Variants in FAT1 observed in about 807,000 individuals in gnomAD.
FAT1 encodes the protein protocadherin Fat 1.
In FAT1, 171 loss-of-function variants were observed where a neutral mutation model predicts 329.8. That is an observed-to-expected ratio of 0.52 (90% confidence interval 0.46 to 0.59). The LOEUF is 0.59. Among genes scored for constraint, FAT1 ranks in the 20% least tolerant of loss-of-function variants. FAT1 has a pLI of 0.00. For synonymous variants in FAT1, 2,233 were observed against 2,228.6 expected (o/e 1.00, Z -0.06); for missense variants, 5,672 against 5,774.4 (o/e 0.98, Z 0.57).
intron 3 of FAT1, among the ~76,000 whole-genome samples, chr4:186,645,269 C>A (rs2126583033): frequency 6.7e-6 from 1 of 149,906 alleles, no homozygotes; most frequent in African/African-American, 2.4e-5. Context: ...AAGAACTGCC[C>A]AGCAGAACCC....
intron 26 of FAT1, among the ~76,000 whole-genome samples, chr4:186,589,897 T>C (rs1738154428): frequency 1.3e-5 from 2 of 152,146 alleles, no homozygotes; most frequent in Admixed American, 6.5e-5. Flanking sequence ...TAAGCTTCCT[T>C]CATAATAATG....
Position 186,621,108 on chromosome 4 carries a change from AG to A in FAT1, c.5477del (p.Thr1826MetfsTer8). 1 of 1,613,790 alleles carries A rather than the reference AG, an allele frequency of 6.2e-7. No individual in the cohort carries two copies. Among genetic ancestry groups the A allele is most frequent in the Non-Finnish European group, 8.5e-7 (1 of 1,179,882 alleles). ...VHTYFAIDSS[T>X]GAIHTVLSLD... ...GACTTAGTACTGTATGAATAGCACCAGTGCTAGAATCAATAGCAAAATATGT... is the reference window on the plus strand; with the variant it reads ...GACTTAGTACTGTATGAATAGCACCATGCTAGAATCAATAGCAAAATATGT... On this transcript the variant is annotated frameshift_variant, in exon 10 of 27. Transcript: ENST00000441802. LOFTEE classifies it high-confidence loss of function.
intron 2 of FAT1, among the ~76,000 whole-genome samples, chr4:186,693,892 T>C (rs1260388145): frequency 6.6e-6 from 1 of 152,154 alleles, no homozygotes; most frequent in Non-Finnish European, 1.5e-5. Flanking sequence ...CATCTCCACA[T>C]TCCTCACAAG....
chr4:186,679,423 A>AG (rs1187196601), intron 2 of FAT1, among the ~76,000 whole-genome samples: 1 of 145,762 alleles, frequency 6.9e-6, no homozygotes, highest in East Asian at 1.9e-4. Flanking sequence ...TCTCAAAAAA[A>AG]AAAAAAAAAA....
At chr4:186,604,252 G>T in intron 18 of FAT1, 125 bp downstream of exon 18, 2 of 819,090 alleles carry the variant, frequency 2.4e-6, no homozygotes, top group Non-Finnish European at 3.8e-6. Flanking sequence ...AAAAAACAAA[G>T]ACAGCAATTC....
At chr4:186,663,653 G>T (rs73873682) in intron 2 of FAT1, 40 bp from the exon 3 acceptor site, 2 of 1,493,126 alleles carry the variant, frequency 1.3e-6, no homozygotes, top group South Asian at 2.5e-5. Flanking sequence ...GCACATCAAC[G>T]ACCAAAACTG....
At chr4:186,718,880 A>G (rs998203049) in intron 1 of FAT1, among the ~76,000 whole-genome samples, 4 of 152,046 alleles carry the variant, frequency 2.6e-5, no homozygotes, top group African/African-American at 9.7e-5. Flanking sequence ...CCGTTCCCGC[A>G]TCACAAGCTA....
intron 3 of FAT1, among the ~76,000 whole-genome samples, chr4:186,641,539 T>C (rs1741097128): frequency 6.6e-6 from 1 of 152,088 alleles, no homozygotes. Flanking sequence ...TAACATCACG[T>C]GGAATAGCAG....
chr4:186,640,658 T>C lies in FAT1; in HGVS notation c.3581-875A>G, dbSNP rs539963000. Among the ~76,000 whole-genome samples the C allele has an allele frequency of 2.6e-5, 4 of 152,370 alleles. No homozygotes were observed. In the South Asian group the frequency reaches 8.3e-4, roughly 32 times the overall value. On this transcript the variant is annotated intron_variant, in intron 3 of 26. Coordinates refer to ENST00000441802, the MANE Select transcript of FAT1 (RefSeq NM_005245.4). ...AAATTAATGATCCTCAAATTCTGTA[T>C]TCTAGAAAACAAATTTCCTATCAAA...
At chr4:186,592,545 G>A (rs1333771879) in intron 26 of FAT1, 7 of 363,844 alleles carry the variant, frequency 1.9e-5, no homozygotes, top group Admixed American at 3.7e-5. Context: ...CTCATATTAC[G>A]TATATACACA....
At chr4:186,614,725 A>C (rs1433673101) in intron 11 of FAT1, among the ~76,000 whole-genome samples, 1 of 152,234 alleles carries the variant, frequency 6.6e-6, no homozygotes, top group Non-Finnish European at 1.5e-5. Flanking sequence ...CTGTCGTATC[A>C]TATCTGCTCA....
rs769294816 is a variant in FAT1, at chr4:186,619,267, A to G, written c.7319T>C (p.Ile2440Thr). Residue 2440 changes from isoleucine to threonine, a missense_variant, in exon 10 of 27, where the codon ATT (isoleucine) becomes ACT (threonine). By Grantham distance (89) the Ile-to-Thr change is moderately conservative. Around this residue, in one of 2 missense-constraint regions of FAT1, gnomAD observed 3,966 missense variants for 3,915.2 expected, o/e 1.01. Coordinates refer to ENST00000441802, the MANE Select transcript of FAT1 (RefSeq NM_005245.4). ...GGTGATAATCCCTGTTGCACTGTCAATGACAAAATGTTTATGATCATTGCC... is the reference window on the plus strand; with the variant it reads ...GGTGATAATCCCTGTTGCACTGTCAGTGACAAAATGTTTATGATCATTGCC... ...LSGNDHKHFV[I>T]DSATGIITLS... 1.7e-5 allele frequency: 27 copies of G among 1,613,900 alleles called. 1 individual carries two copies. The Middle Eastern group carries it at 4.9e-4, about 29-fold the overall frequency.
chr4:186,606,298 C>A lies in FAT1; in HGVS notation c.10207-85G>T, dbSNP rs970610239. 3.4e-6 allele frequency: 5 copies of A among 1,449,564 alleles called. 1 individual carries two copies. The highest frequency in any genetic ancestry group is 2.8e-5 in the African/African-American group (2 of 71,884). The allele number at this position is 1,449,564 out of a possible 1,614,324, so 89.8% of individuals were successfully genotyped here. On this transcript the variant is annotated intron_variant, in intron 16 of 26. Transcript: ENST00000441802. ...AGGAGTGTCCTCCTGAGAGTCCTGA[C>A]GGGCAGGTCCCAGTGAGCTACCACT...
chr4:186,629,687 TGAACAGAGGC>T (rs1272876094), intron 7 of FAT1, among the ~76,000 whole-genome samples: 19 of 152,226 alleles, frequency 1.2e-4, no homozygotes, highest in Non-Finnish European at 2.6e-4. Context: ...GTGCAGGCCA[TGAACAGAGGC>T]CTTCCTTCCA....
intron 26 of FAT1, chr4:186,590,696 C>T (rs1738200433): frequency 2.2e-6 from 1 of 455,570 alleles, no homozygotes; most frequent in African/African-American, 2.0e-5. Flanking sequence ...CAATCACAGC[C>T]TGAAAACACA....
At chr4:186,610,678 A>ATTT (rs1293078624) in intron 14 of FAT1, among the ~76,000 whole-genome samples, 3 of 54,646 alleles carry the variant, frequency 5.5e-5, no homozygotes, top group African/African-American at 9.2e-5. Flanking sequence ...AATTTATATA[A>ATTT]ATATAAATTA....
At chr4:186,590,712 T>G (rs2126364222) in intron 26 of FAT1, 1 of 454,936 alleles carries the variant, frequency 2.2e-6, no homozygotes, top group African/African-American at 2.0e-5. Flanking sequence ...ACACAGAATT[T>G]CCTTAGGAAT....
intron 2 of FAT1, among the ~76,000 whole-genome samples, chr4:186,698,967 G>A (rs763101477): frequency 6.6e-6 from 1 of 152,262 alleles, no homozygotes; most frequent in South Asian, 2.1e-4. Context: ...GCACTAAGTC[G>A]ACGTGCATCA....
At chr4:186,648,913 C>G (rs1406509806) in intron 3 of FAT1, among the ~76,000 whole-genome samples, 1 of 152,102 alleles carries the variant, frequency 6.6e-6, no homozygotes, top group Non-Finnish European at 1.5e-5. Flanking sequence ...AAAATTCACT[C>G]TTTTTTTAAC....
Sources: allele counts gnomAD v4.1 joint callset (sites outside exome capture counted in the v4.1 genomes callset), GRCh38; gene constraint gnomAD v4.1.1; regional missense constraint gnomAD v4.1.1; transcripts MANE v1.5; gene names NCBI Gene and HGNC (gene_info 2026-07-23, HGNC 2026-07-21).